The following MITF variants were observed in gnomAD, a reference collection of about 807,000 sequenced individuals.
MITF encodes the protein microphthalmia-associated transcription factor.
Under a neutral mutation model 60.5 loss-of-function variants are expected in MITF, and 17 were observed. That is an observed-to-expected ratio of 0.28 (90% CI 0.19 to 0.42). The LOEUF (loss-of-function observed/expected upper bound fraction) is 0.42, where lower values mean the gene tolerates loss of function less well. Ranked by LOEUF, MITF falls within the 10% of genes least tolerant of loss-of-function variation. The pLI, the probability that MITF is intolerant of heterozygous loss-of-function variation, is 1.00. For missense variants in MITF, 622 were observed against 683.5 expected (o/e 0.91, Z 1.00); for synonymous variants, 260 against 248.5 (o/e 1.05, Z -0.43).
chr3:69,748,056 C>T (rs1017156573), intron 1 of MITF, among the ~76,000 whole-genome samples: 4 of 149,704 alleles, frequency 2.7e-5, no homozygotes, highest in Admixed American at 6.8e-5. Context: ...GTGAAAATGT[C>T]AGTGTTGGTG....
At position 69,825,593 on chromosome 3, in the gene MITF, C is replaced by T. The variant is rs551117045; in HGVS notation, c.105-53541C>T. On this transcript the variant is annotated intron_variant, in intron 1 of 9. Coordinates refer to ENST00000352241, the MANE Select transcript of MITF (RefSeq NM_001354604.2). ...GTGCATGTCAAGCGTTGTTTCCTTC[C>T]ACCCTCATATCTTGTGATAGGGCCA... 2.6e-5 allele frequency among the ~76,000 whole-genome samples: 4 copies of T among 152,272 alleles called. 1 individual carries two copies. Among genetic ancestry groups the T allele is most frequent in the African/African-American group, 9.6e-5 (4 of 41,544 alleles).
Position 69,946,653 on chromosome 3 carries a change from C to G in MITF, c.763-2398C>G, listed in dbSNP as rs993094531. Among the ~76,000 whole-genome samples the G allele has an allele frequency of 1.2e-4, 18 of 152,206 alleles. No individual in the cohort carries two copies. The East Asian group carries it at 3.3e-3, about 28-fold the overall frequency. On this transcript the variant is annotated intron_variant, in intron 5 of 9. Coordinates refer to ENST00000352241, the MANE Select transcript of MITF (RefSeq NM_001354604.2). ...TCTGCCATGCTTTCTGCTTCCCACT[C>G]CTAATCAGCAAGTATGGGAAAAGCA...
At chr3:69,846,086 G>GAAATA (rs2063727094) in intron 1 of MITF, among the ~76,000 whole-genome samples, 1 of 151,798 alleles carries the variant, frequency 6.6e-6, no homozygotes, top group Non-Finnish European at 1.5e-5. Context: ...AACACCAAAG[G>GAAATA]GCTTTCTCTT....
chr3:69,848,081 G>A (rs71298317), intron 1 of MITF, among the ~76,000 whole-genome samples: 108 of 151,944 alleles, frequency 7.1e-4, no homozygotes, highest in Non-Finnish European at 1.3e-3. Context: ...CAGTTGTTAC[G>A]ATGCTCTTGC....
chr3:69,851,275 A>G (rs1341965196), intron 1 of MITF, among the ~76,000 whole-genome samples: 1 of 152,200 alleles, frequency 6.6e-6, no homozygotes, highest in Non-Finnish European at 1.5e-5. Context: ...GTTTCTTTAA[A>G]GTATGTACCA....
At chr3:69,839,759 A>G (rs2063602003) in intron 1 of MITF, among the ~76,000 whole-genome samples, 1 of 152,190 alleles carries the variant, frequency 6.6e-6, no homozygotes, top group Admixed American at 6.5e-5. Flanking sequence ...TTTAAAAAAA[A>G]AAAAGTAAGG....
chr3:69,757,213 G>A (rs1444894489), intron 1 of MITF, among the ~76,000 whole-genome samples: 1 of 152,100 alleles, frequency 6.6e-6, no homozygotes, highest in African/African-American at 2.4e-5. Context: ...TTAAAGGAAT[G>A]CATATTCTAT....
intron 1 of MITF, among the ~76,000 whole-genome samples, chr3:69,817,786 C>T (rs1419742491): frequency 1.3e-5 from 2 of 151,978 alleles, no homozygotes. Flanking sequence ...AATGTAATAA[C>T]AATAATGTAC....
At chr3:69,811,610 C>A (rs2063101563) in intron 1 of MITF, among the ~76,000 whole-genome samples, 1 of 152,210 alleles carries the variant, frequency 6.6e-6, no homozygotes, top group Non-Finnish European at 1.5e-5. Flanking sequence ...TCCTTTGCCA[C>A]AGCTAATCAA....
intron 2 of MITF, among the ~76,000 whole-genome samples, chr3:69,900,636 C>CA (rs1483039918): frequency 6.6e-6 from 1 of 152,062 alleles, no homozygotes; most frequent in African/African-American, 2.4e-5. Context: ...GCAGCCAGCC[C>CA]TTTTTTTGTT....
chr3:69,941,575 A>G (rs1372202182), intron 5 of MITF, among the ~76,000 whole-genome samples: 1 of 152,192 alleles, frequency 6.6e-6, no homozygotes, highest in African/African-American at 2.4e-5. Context: ...AGCAGTTTTG[A>G]TAGGGCATTA....
At chr3:69,824,361 G>A (rs1440770519) in intron 1 of MITF, among the ~76,000 whole-genome samples, 1 of 152,018 alleles carries the variant, frequency 6.6e-6, no homozygotes, top group African/African-American at 2.4e-5. Flanking sequence ...ATGCATATGG[G>A]GTGTTGGATT....
chr3:69,765,479 A>AT (rs201327342), intron 1 of MITF, among the ~76,000 whole-genome samples: 1 of 151,684 alleles, frequency 6.6e-6, no homozygotes, highest in African/African-American at 2.4e-5. Context: ...TCTGTGAAAA[A>AT]TTTTTTTTTG....
chr3:69,848,578 T>C (rs1249337844), intron 1 of MITF, among the ~76,000 whole-genome samples: 2 of 152,244 alleles, frequency 1.3e-5, no homozygotes, highest in African/African-American at 4.8e-5. Flanking sequence ...TCGAGTAGAA[T>C]GTTTTGTACC....
At chr3:69,842,941 T>A (rs1043805754) in intron 1 of MITF, among the ~76,000 whole-genome samples, 48 of 152,144 alleles carry the variant, frequency 3.2e-4, no homozygotes, top group Non-Finnish European at 3.1e-4. Context: ...AGAGTTTCGG[T>A]CCTACCTACA....
intron 2 of MITF, among the ~76,000 whole-genome samples, chr3:69,902,165 A>C (rs1189440807): frequency 6.6e-6 from 1 of 152,156 alleles, no homozygotes. Context: ...GAGTCATAGT[A>C]TCTATTAGGA....
intron 3 of MITF, chr3:69,938,341 A>G (rs2065892735): frequency 6.4e-7 from 1 of 1,569,458 alleles, no homozygotes; most frequent in Non-Finnish European, 8.7e-7. Flanking sequence ...CTTCTCTTCC[A>G]TGCCTTTCAG....
chr3:69,932,237 T>A (rs1352867562), intron 2 of MITF, among the ~76,000 whole-genome samples: 3 of 152,232 alleles, frequency 2.0e-5, no homozygotes, highest in Non-Finnish European at 4.4e-5. Context: ...CTGTTGCTAC[T>A]CTTCAAATCT....
intron 1 of MITF, among the ~76,000 whole-genome samples, chr3:69,877,291 A>G (rs1254559050): frequency 6.6e-6 from 1 of 152,092 alleles, no homozygotes; most frequent in Non-Finnish European, 1.5e-5. Flanking sequence ...CATTTAAGTT[A>G]TTTACTTAGG....
Sources: allele counts gnomAD v4.1 joint callset (sites outside exome capture counted in the v4.1 genomes callset), GRCh38; gene constraint gnomAD v4.1.1; transcripts MANE v1.5; gene names NCBI Gene and HGNC (gene_info 2026-07-23, HGNC 2026-07-21).